The following COBL variants were observed in gnomAD, a reference collection of about 807,000 sequenced individuals.
The protein encoded by COBL is protein cordon-bleu.
In COBL, 51 loss-of-function variants were observed where a neutral mutation model predicts 98.8. That is an observed-to-expected ratio of 0.52 (90% CI 0.41 to 0.65). COBL has a LOEUF of 0.65. COBL is among the 30% of genes least tolerant of loss of function. COBL has a pLI of 0.00. For synonymous variants in COBL, 634 were observed against 651.7 expected, an observed-to-expected ratio of 0.97 and a Z score of 0.41; for missense variants, 1,617 against 1,617.5, an observed-to-expected ratio of 1.00 and a Z score of 0.01.
chr7:51,171,446 T>C (rs1787868907), intron 5 of COBL, among the ~76,000 whole-genome samples: 1 of 152,158 alleles, frequency 6.6e-6, no homozygotes, highest in South Asian at 2.1e-4. Flanking sequence ...CTATGTAAAG[T>C]GTTTCCTGGG....
At chr7:51,211,750 A>G (rs536678331) in intron 2 of COBL, among the ~76,000 whole-genome samples, 27 of 152,334 alleles carry the variant, frequency 1.8e-4, no homozygotes, top group African/African-American at 6.3e-4. Context: ...AATGTCAAAC[A>G]AAGAGTCAGG....
Position 51,029,022 on chromosome 7 carries a change from C to T in COBL, c.2074G>A (p.Gly692Ser), listed in dbSNP as rs1170347403. ...CTGTAGCTTTTCCCTGGGTTTTGGC[C>T]TCGTTGGTGCCATGATGTTGGTGCC... The part of the protein sequence containing the change: ...ALAPTSWHQR[G>S]QNPGKSYRLK... The change falls in exon 10 of 13, where the codon GGC (glycine) becomes AGC (serine). Residue 692 changes from glycine (G) to serine (S), a missense_variant. Around this residue, in one of 3 missense-constraint regions of COBL, gnomAD observed 1,304 missense variants for 1,282.0 expected, o/e 1.02. Coordinates refer to ENST00000265136, the MANE Select transcript of COBL (RefSeq NM_015198.5). 5.6e-6 allele frequency: 9 copies of T among 1,613,986 alleles called. No individual in the cohort carries two copies. The highest frequency in any genetic ancestry group is 6.8e-6 in the Non-Finnish European group (8 of 1,180,040).
At chr7:51,165,612 T>C (rs932902024) in intron 5 of COBL, among the ~76,000 whole-genome samples, 2 of 100,278 alleles carry the variant, frequency 2.0e-5, no homozygotes, top group Admixed American at 9.8e-5. Context: ...GTAGATCGAA[T>C]GGATCTAATA....
intron 5 of COBL, among the ~76,000 whole-genome samples, chr7:51,159,144 G>C (rs1177941456): frequency 6.6e-6 from 1 of 152,152 alleles, no homozygotes; most frequent in African/African-American, 2.4e-5. Flanking sequence ...GCGCGCACCT[G>C]GCGGCCGCGC....
chr7:51,181,141 G>A (rs1483604571), intron 5 of COBL, among the ~76,000 whole-genome samples: 1 of 152,154 alleles, frequency 6.6e-6, no homozygotes, highest in Non-Finnish European at 1.5e-5. Flanking sequence ...AGGGCTATCT[G>A]AGAATCACCC....
chr7:51,166,623 T>C (rs1346510896), intron 5 of COBL, among the ~76,000 whole-genome samples: 1 of 152,082 alleles, frequency 6.6e-6, no homozygotes, highest in African/African-American at 2.4e-5. Context: ...ATTACCCTGA[T>C]ACCAAAACCA....
intron 5 of COBL, among the ~76,000 whole-genome samples, chr7:51,158,934 G>A (rs1786485777): frequency 6.6e-6 from 1 of 152,090 alleles, no homozygotes; most frequent in African/African-American, 2.4e-5. Flanking sequence ...GCGCGGGGGT[G>A]CAGGGGCTGT....
At chr7:51,077,917 C>G (rs1315092268) in intron 7 of COBL, among the ~76,000 whole-genome samples, 1 of 152,156 alleles carries the variant, frequency 6.6e-6, no homozygotes, top group African/African-American at 2.4e-5. Flanking sequence ...TGAGCCAAAT[C>G]ACCCACTTGC....
chr7:51,269,683 G>A (rs1026438586), intron 1 of COBL, among the ~76,000 whole-genome samples: 1 of 152,196 alleles, frequency 6.6e-6, no homozygotes, highest in African/African-American at 2.4e-5. Flanking sequence ...TCACCATAAC[G>A]ACCCTGTATT....
At chr7:51,188,086 C>T (rs1011308771) in intron 4 of COBL, 5 of 736,208 alleles carry the variant, frequency 6.8e-6, no homozygotes, top group Non-Finnish European at 9.3e-6. Context: ...AGGTCTCTTG[C>T]TGGGTCAGCT....
Position 51,126,224 on chromosome 7 carries a change from A to G in COBL, c.957+9934T>C, listed in dbSNP as rs138149209. Among the ~76,000 whole-genome samples the G allele has an allele frequency of 4.0e-3, 604 of 152,308 alleles. 4 individuals carry two copies. The highest frequency in any genetic ancestry group is 0.014 in the African/African-American group (585 of 41,586). ...GCGCCTGCAATCCCAGCAGTATGGG[A>G]GGCTGAGGCAGGAGAATCGCTTGAA... On this transcript the variant is annotated intron_variant, in intron 6 of 12. Coordinates refer to ENST00000265136, the MANE Select transcript of COBL (RefSeq NM_015198.5).
rs761546973 is a variant in COBL at position 51,060,391 on chromosome 7, C to T, written c.1097-16699G>A. On this transcript the variant is annotated intron_variant, in intron 7 of 12. Transcript: ENST00000265136. ...GCATTGCTTCTGATCAAGGAACTCGCTTCCCAGCCAAAGGAGTGCAGCAAT... is the reference window on the plus strand; with the variant it reads ...GCATTGCTTCTGATCAAGGAACTCGTTTCCCAGCCAAAGGAGTGCAGCAAT... 3.9e-5 allele frequency among the ~76,000 whole-genome samples: 6 copies of T among 152,324 alleles called. No individual in the cohort carries two copies. In the East Asian group the frequency reaches 1.2e-3, roughly 29 times the overall value.
intron 5 of COBL, among the ~76,000 whole-genome samples, chr7:51,159,821 A>G (rs1164093745): frequency 1.3e-5 from 2 of 152,200 alleles, no homozygotes; most frequent in East Asian, 3.9e-4. Context: ...TCAAAGCTTT[A>G]AAACCAAAAC....
intron 1 of COBL, among the ~76,000 whole-genome samples, chr7:51,224,395 C>T (rs532589626): frequency 1.3e-5 from 2 of 151,660 alleles, no homozygotes; most frequent in Non-Finnish European, 2.9e-5. Flanking sequence ...ATGTTCCAAA[C>T]GAGCCAAGCT....
At chr7:51,248,695 A>G (rs1181887747) in intron 1 of COBL, among the ~76,000 whole-genome samples, 2 of 152,248 alleles carry the variant, frequency 1.3e-5, no homozygotes, top group Admixed American at 1.3e-4. Context: ...CAGTCTTTGT[A>G]AATATCTAAA....
intron 5 of COBL, among the ~76,000 whole-genome samples, chr7:51,173,597 T>C (rs1788087313): frequency 6.6e-6 from 1 of 152,214 alleles, no homozygotes; most frequent in African/African-American, 2.4e-5. Context: ...TATTTCTTTC[T>C]ATTGTACCAA....
At chr7:51,041,145 G>C (rs190738784) in intron 8 of COBL, among the ~76,000 whole-genome samples, 225 of 152,274 alleles carry the variant, frequency 1.5e-3, no homozygotes, top group Middle Eastern at 3.4e-3. Context: ...CATCTTGTGT[G>C]GGGTAGGCAG....
chr7:51,020,147 C>T (rs571030807), intron 12 of COBL, among the ~76,000 whole-genome samples: 78 of 152,292 alleles, frequency 5.1e-4, no homozygotes, highest in Admixed American at 1.5e-3. Flanking sequence ...TGTCTGGGCC[C>T]AGCAGCAGCA....
At position 51,085,222 on chromosome 7, in the gene COBL, C is replaced by T. The variant is rs1274331175; in HGVS notation, c.1040G>A (p.Ser347Asn). The T allele has an allele frequency of 6.2e-7, 1 of 1,613,868 alleles. No individual in the cohort carries two copies. The highest frequency in any genetic ancestry group is 1.3e-5 in the African/African-American group (1 of 74,912). The change falls in exon 7 of 13, where the codon AGT (serine) becomes AAT (asparagine). Residue 347 changes from serine (S) to asparagine (N), a missense_variant. This residue lies in a region of COBL where 1,304 missense variants were observed against 1,282.0 expected (regional missense o/e 1.02). Transcript: ENST00000265136. The part of the protein sequence containing the change: ...APPPPQPPPP[S>N]PLIPNRTEDK... ...CTCAGTGCGGTTGGGGATCAGGGGACTCGGTGGTGGTGGCTGTGGTGGAGG... is the reference window on the plus strand; with the variant it reads ...CTCAGTGCGGTTGGGGATCAGGGGATTCGGTGGTGGTGGCTGTGGTGGAGG...
Sources: gnomAD v4.1 joint callset for allele counts (sites outside exome capture counted in the v4.1 genomes callset) on GRCh38, gnomAD v4.1.1 for gene constraint, gnomAD v4.1.1 regional missense constraint, MANE v1.5 for transcripts, NCBI Gene and HGNC (gene_info 2026-07-23, HGNC 2026-07-21) for gene names.